The following MYH9 variants were observed in gnomAD, a reference collection of about 807,000 sequenced individuals.
MYH9 encodes myosin heavy chain 9.
A neutral mutation model predicts 241.9 loss-of-function variants in MYH9; 29 were observed. The ratio of observed to expected loss-of-function variants is 0.12; its 90% CI spans 0.09 to 0.16. The LOEUF is 0.16. Ranked by LOEUF, MYH9 falls within the 10% of genes least tolerant of loss-of-function variation. The probability of loss-of-function intolerance (pLI) is 1.00; values close to 1 mark genes in which losing one functional copy is unlikely to be tolerated. For missense variants in MYH9, 1,803 were observed against 2,595.5 expected (o/e 0.69, Z 6.63); for synonymous variants, 1,047 against 1,062.6 (o/e 0.99, Z 0.29).
Position 36,305,882 on chromosome 22 carries a change from G to A in MYH9, c.2159+48C>T, listed in dbSNP as rs1266079706. On this transcript the variant is annotated intron_variant, in intron 17 of 40. Coordinates refer to ENST00000216181, the MANE Select transcript of MYH9 (RefSeq NM_002473.6). This position sits in a 1 kb window ranked among gnomAD's most constrained non-coding sequence, Gnocchi z 4.7. ...CAGCAGCCCACCTCTGGGACTCACT[G>A]CACGCACAGCAGGGCCCAGGAGAAG... The A allele has an allele frequency of 1.2e-6, 2 of 1,610,760 alleles. No individual in the cohort carries two copies. The highest frequency in any genetic ancestry group is 1.7e-6 in the Non-Finnish European group (2 of 1,179,078).
chr22:36,352,508 C>T (rs538972069), intron 1 of MYH9, among the ~76,000 whole-genome samples: 1 of 152,332 alleles, frequency 6.6e-6, no homozygotes, highest in South Asian at 2.1e-4. Flanking sequence ...CCTCAGGCTG[C>T]AGGGCCCAGG....
In MYH9 at chr22:36,288,720, T is replaced by A. The variant is rs1464702691; in HGVS notation, c.4770+7A>T. The A allele has an allele frequency of 6.2e-7, 1 of 1,601,676 alleles. No individual in the cohort carries two copies. Among genetic ancestry groups the A allele is most frequent in the Admixed American group, 1.7e-5 (1 of 60,016 alleles). On this transcript the variant is annotated splice_region_variant and intron_variant, in intron 33 of 40. Transcript: ENST00000216181. This position sits in a 1 kb window ranked among gnomAD's most constrained non-coding sequence, Gnocchi z 4.8. ...GCACCCATGGGGTAGCAGGAGGCCA[T>A]GCACACCTGTCTGACCAGCTGCTTC...
chr22:36,285,830 G>C lies in MYH9; in HGVS notation c.5150+35C>G. On this transcript the variant is annotated intron_variant, in intron 36 of 40. Coordinates refer to ENST00000216181, the MANE Select transcript of MYH9 (RefSeq NM_002473.6). This position sits in a 1 kb window ranked among gnomAD's most constrained non-coding sequence, Gnocchi z 7.0. ...AGGGGCCTACCCTGGGGACACACCTGGTCCCCCCCAACTCTGCCCCCTCAC... is the reference window on the plus strand; with the variant it reads ...AGGGGCCTACCCTGGGGACACACCTCGTCCCCCCCAACTCTGCCCCCTCAC... 1 of 1,613,498 alleles carries C rather than the reference G, an allele frequency of 6.2e-7. No individual in the cohort carries two copies. Among genetic ancestry groups the C allele is most frequent in the Admixed American group, 1.7e-5 (1 of 59,998 alleles).
intron 1 of MYH9, among the ~76,000 whole-genome samples, chr22:36,387,134 G>C (rs1192010436): frequency 6.6e-6 from 1 of 152,176 alleles, no homozygotes; most frequent in Non-Finnish European, 1.5e-5. Context: ...GGTCCCCGCC[G>C]GGTCCCCCTT....
At chr22:36,348,183 T>C (rs1440311745) in intron 2 of MYH9, among the ~76,000 whole-genome samples, 1 of 149,700 alleles carries the variant, frequency 6.7e-6, no homozygotes, top group African/African-American at 2.4e-5. Flanking sequence ...AAAAAGAAGA[T>C]TTTTTAAAGA....
intron 1 of MYH9, among the ~76,000 whole-genome samples, chr22:36,350,537 C>CA (rs756853566): frequency 1.3e-4 from 19 of 151,616 alleles, no homozygotes; most frequent in Admixed American, 1.2e-3. Context: ...AACTCCGTCT[C>CA]AAAAAAAAGA....
chr22:36,304,349 G>A (rs771691061), intron 18 of MYH9, among the ~76,000 whole-genome samples, 194 bp from the exon 19 acceptor site: 2 of 152,210 alleles, frequency 1.3e-5, no homozygotes, highest in African/African-American at 2.4e-5. Flanking sequence ...CGCAGGCTGT[G>A]CACACAGTAG....
chr22:36,291,029 GGCAGCCACC>G (rs1164188200), intron 31 of MYH9, among the ~76,000 whole-genome samples: 1 of 150,634 alleles, frequency 6.6e-6, no homozygotes, highest in Non-Finnish European at 1.5e-5. Context: ...GTCTCCGCCC[GGCAGCCACC>G]CCATCCGGGA....
chr22:36,306,237 G>A lies in MYH9; in HGVS notation c.2037+177C>T, dbSNP rs1410415797. ...GGGGCCAATGCCACCAAGAGGAAGT[G>A]CAGGCTGTGAATGTAGCGTATCTCC... is the stretch of plus-strand genomic sequence containing the variant. On this transcript the variant is annotated intron_variant, in intron 16 of 40. Coordinates refer to ENST00000216181, the MANE Select transcript of MYH9 (RefSeq NM_002473.6). The surrounding 1 kb of genome is among the most constrained non-coding windows in gnomAD (Gnocchi z 4.1). Among the ~76,000 whole-genome samples the A allele has an allele frequency of 2.6e-5, 4 of 152,176 alleles. No individual in the cohort carries two copies. Among genetic ancestry groups the A allele is most frequent in the Non-Finnish European group, 1.5e-5 (1 of 68,028 alleles).
chr22:36,291,768 C>T (rs1397407737), intron 31 of MYH9, among the ~76,000 whole-genome samples: 1 of 150,818 alleles, frequency 6.6e-6, no homozygotes, highest in Non-Finnish European at 1.5e-5. Flanking sequence ...AAGGAAAAGT[C>T]ACTCCTCAAC....
At chr22:36,309,153 C>T in intron 15 of MYH9, 129 bp downstream of exon 15, 1 of 821,836 alleles carries the variant, frequency 1.2e-6, no homozygotes, top group Non-Finnish European at 2.1e-6. Context: ...CTACAGAGGG[C>T]AGAGACCACC....
chr22:36,364,291 C>T (rs1380313026), intron 1 of MYH9, among the ~76,000 whole-genome samples: 1 of 152,180 alleles, frequency 6.6e-6, no homozygotes, highest in African/African-American at 2.4e-5. Context: ...GCTGAGGGCT[C>T]CAAGGCAGAG....
Position 36,295,548 on chromosome 22 carries a change from A to G in MYH9, c.3442T>C (p.Leu1148=), listed in dbSNP as rs780799403. Residue 1148 remains leucine (L), a synonymous_variant, in exon 26 of 41, where the codon TTG becomes CTG. Transcript: ENST00000216181. This position sits in a 1 kb window ranked among gnomAD's most constrained non-coding sequence, Gnocchi z 4.1. ...GCTGTGGAATCCAGCGTGTCCTCCA[A>G]CTCTGTTTTCAGAGCCTCTAGCTCT... ...GEELEALKTE[L]EDTLDSTAAQ... The G allele has an allele frequency of 1.2e-6, 2 of 1,613,352 alleles. No homozygotes were observed. The highest frequency in any genetic ancestry group is 2.2e-5 in the South Asian group (2 of 91,040).
intron 15 of MYH9, chr22:36,308,923 C>A: frequency 1.1e-6 from 1 of 934,852 alleles, no homozygotes; most frequent in South Asian, 4.9e-5. Context: ...GAGAAACCAA[C>A]AGAAAGAATT....
chr22:36,381,032 GGAA>G (rs1290383206), intron 1 of MYH9, among the ~76,000 whole-genome samples: 1 of 152,114 alleles, frequency 6.6e-6, no homozygotes, highest in Non-Finnish European at 1.5e-5. Context: ...TGACATCATG[GGAA>G]GAAAACAGGA....
At chr22:36,366,527 C>A (rs2018013838) in intron 1 of MYH9, among the ~76,000 whole-genome samples, 1 of 152,288 alleles carries the variant, frequency 6.6e-6, no homozygotes, top group African/African-American at 2.4e-5. Flanking sequence ...CGGCCCCTCC[C>A]CCTAAAAAAG....
At chr22:36,350,740 T>C (rs1255881758) in intron 1 of MYH9, among the ~76,000 whole-genome samples, 3 of 152,156 alleles carry the variant, frequency 2.0e-5, no homozygotes, top group Non-Finnish European at 4.4e-5. Flanking sequence ...AGTCATCCAG[T>C]CCTGTGGCCT....
At position 36,293,822 on chromosome 22, in the gene MYH9, G is replaced by C. The variant is rs758776969; in HGVS notation, c.3879C>G (p.Asp1293Glu). 2.5e-6 allele frequency: 4 copies of C among 1,613,916 alleles called. No individual in the cohort carries two copies. The South Asian group carries it at 4.4e-5, about 18-fold the overall frequency. The change falls in exon 29 of 41, where the codon GAC (aspartate) becomes GAG (glutamate). Residue 1293 changes from aspartate (D) to glutamate (E), a missense_variant. Asp to Glu is a conservative substitution (Grantham distance 45). Around this residue, in one of 11 missense-constraint regions of MYH9, gnomAD observed 876 missense variants for 1,077.8 expected, o/e 0.81. Transcript: ENST00000216181. The surrounding 1 kb of genome is among the most constrained non-coding windows in gnomAD (Gnocchi z 5.1). ...DNVTGLLSQSDSKSSKLTKDF... is the reference protein window; with the variant it reads ...DNVTGLLSQSESKSSKLTKDF... ...CCTTGGTGAGCTTGCTGGACTTGCT[G>C]TCGGACTGGCTGAGAAGCCCGGTCA...
chr22:36,300,687 T>C lies in MYH9; in HGVS notation c.2838+164A>G, dbSNP rs952715019. The stretch of plus-strand genomic sequence containing the variant: ...GATCTCAGATGCACATGTCACAAAC[T>C]ACCAGCCCAAAGGGAACACCTCTCA... On this transcript the variant is annotated intron_variant, in intron 22 of 40. Coordinates refer to ENST00000216181, the MANE Select transcript of MYH9 (RefSeq NM_002473.6). The surrounding 1 kb of genome is among the most constrained non-coding windows in gnomAD (Gnocchi z 5.0). Among the ~76,000 whole-genome samples, 1 of 152,134 alleles carries C rather than the reference T, an allele frequency of 6.6e-6. No homozygotes were observed. Among genetic ancestry groups the C allele is most frequent in the Admixed American group, 6.5e-5 (1 of 15,278 alleles).
Sources: gnomAD v4.1 joint callset for allele counts (sites outside exome capture counted in the v4.1 genomes callset) on GRCh38, gnomAD v4.1.1 for gene constraint, gnomAD v4.1.1 regional missense constraint, Gnocchi (gnomAD v3.1) non-coding constraint, MANE v1.5 for transcripts, NCBI Gene and HGNC (gene_info 2026-07-23, HGNC 2026-07-21) for gene names.